ADAT2: variants seen among roughly 807,000 people sequenced by gnomAD.
ADAT2 encodes the protein tRNA-specific adenosine-34 deaminase catalytic subunit ADAT2.
In ADAT2, 26 loss-of-function variants were observed where a neutral mutation model predicts 25.9. The ratio of observed to expected loss-of-function variants is 1.00; its 90% CI spans 0.74 to 1.39. The LOEUF (loss-of-function observed/expected upper bound fraction) is 1.39, where lower values mean the gene tolerates loss of function less well. ADAT2 is among the 40% of genes most tolerant of loss of function. The pLI is 0.00. For missense variants in ADAT2, 220 were observed against 244.8 expected, an observed-to-expected ratio of 0.90 and a Z score of 0.68; for synonymous variants, 76 against 86.8, an observed-to-expected ratio of 0.88 and a Z score of 0.69.
Position 143,434,116 on chromosome 6 carries a change from C to A in ADAT2, c.202-135G>T. ...TTTAATGAATACAGTTTCAAGACAC[C>A]CTTAGCAGTGGACAACGTATTCCCC... On this transcript the variant is annotated intron_variant, in intron 2 of 5. Coordinates refer to ENST00000237283, the MANE Select transcript of ADAT2 (RefSeq NM_182503.3). This position sits in a 1 kb window ranked among gnomAD's most constrained non-coding sequence, Gnocchi z 4.5. The A allele has an allele frequency of 9.0e-7, 1 of 1,113,440 alleles. No individual in the cohort carries two copies. The highest frequency in any genetic ancestry group is 1.3e-6 in the Non-Finnish European group (1 of 780,484). 69.0% of individuals were successfully genotyped at this position (1,113,440 alleles called of 1,614,324 possible).
intron 4 of ADAT2, among the ~76,000 whole-genome samples, chr6:143,429,645 T>A (rs558077624): frequency 6.6e-6 from 1 of 152,058 alleles, no homozygotes; most frequent in South Asian, 2.1e-4. Flanking sequence ...GACAAAAAAT[T>A]GGGGTAAAAA....
At chr6:143,430,381 C>T (rs1031776576) in intron 4 of ADAT2, among the ~76,000 whole-genome samples, 1 of 152,204 alleles carries the variant, frequency 6.6e-6, no homozygotes, top group Non-Finnish European at 1.5e-5. Context: ...GGGGCAGGGA[C>T]TGAGCAGAGT....
rs891752954 is a variant in ADAT2 at position 143,431,680 on chromosome 6, G to A, written c.459+825C>T. ...TCTCAGTGAGACTCAGCCAAATTTAGTCCTTCATAGGTCCTTAAAGTATTC... is the reference window on the plus strand; with the variant it reads ...TCTCAGTGAGACTCAGCCAAATTTAATCCTTCATAGGTCCTTAAAGTATTC... On this transcript the variant is annotated intron_variant, in intron 4 of 5. Coordinates refer to ENST00000237283, the MANE Select transcript of ADAT2 (RefSeq NM_182503.3). 7.2e-5 allele frequency among the ~76,000 whole-genome samples: 11 copies of A among 152,318 alleles called. 2 individuals are homozygous for A. Among genetic ancestry groups the A allele is most frequent in the East Asian group, 1.9e-4 (1 of 5,182 alleles).
At chr6:143,438,338 G>A in intron 2 of ADAT2, among the ~76,000 whole-genome samples, 1 of 152,014 alleles carries the variant, frequency 6.6e-6, no homozygotes, top group East Asian at 1.9e-4. Context: ...CTATGAAACA[G>A]AAAATTATTC....
Position 143,432,287 on chromosome 6 carries a change from G to A in ADAT2, c.459+218C>T, listed in dbSNP as rs1356992708. ...GCGAAGGGTGGACTCTCCTTCAGGA[G>A]GGAGTCTGTTAATGAAGAGAGGTAG... On this transcript the variant is annotated intron_variant, in intron 4 of 5. Transcript: ENST00000237283. The surrounding 1 kb of genome is among the most constrained non-coding windows in gnomAD (Gnocchi z 4.4). 6.6e-6 allele frequency among the ~76,000 whole-genome samples: 1 copy of A among 152,136 alleles called. No individual in the cohort carries two copies. Among genetic ancestry groups the A allele is most frequent in the Non-Finnish European group, 1.5e-5 (1 of 68,016 alleles).
chr6:143,446,000 C>A (rs1290492061), intron 1 of ADAT2, among the ~76,000 whole-genome samples: 2 of 150,666 alleles, frequency 1.3e-5, no homozygotes, highest in Non-Finnish European at 2.9e-5. Flanking sequence ...GTTAGTCAAT[C>A]TTTCTTTTTT....
chr6:143,427,928 G>C lies in ADAT2; in HGVS notation c.*535C>G, dbSNP rs1293827206. ...TTTCTAAATGCTTTATAAAAGCAAA[G>C]TCTTTTCTAAGGACCATATAATTAT... On this transcript the variant is annotated 3_prime_UTR_variant, in exon 6 of 6. Coordinates refer to ENST00000237283, the MANE Select transcript of ADAT2 (RefSeq NM_182503.3). 1.3e-5 allele frequency: 2 copies of C among 152,306 alleles called. No individual in the cohort carries two copies. The highest frequency in any genetic ancestry group is 3.8e-4 in the East Asian group (2 of 5,196). 9.4% of individuals were successfully genotyped at this position (152,306 alleles called of 1,614,324 possible).
rs1778888099 is a variant in ADAT2, at chr6:143,425,041, T to C, written c.*3422A>G. On this transcript the variant is annotated 3_prime_UTR_variant, in exon 6 of 6. Transcript: ENST00000237283. ...CAGATGTGATATCCTGTGAGGAACT[T>C]AACATCAACCAGCACCTGAATCTAA... 1 of 152,136 alleles carries C rather than the reference T, an allele frequency of 6.6e-6. No homozygotes were observed. Among genetic ancestry groups the C allele is most frequent in the Admixed American group, 6.5e-5 (1 of 15,278 alleles). 9.4% of individuals were successfully genotyped at this position (152,136 alleles called of 1,614,324 possible). A position where few individuals can be genotyped will look rare whatever the true frequency, so the allele number is the denominator to read the frequency against.
chr6:143,440,671 C>A lies in ADAT2; in HGVS notation c.97-1977G>T, dbSNP rs1014397430. 6.6e-6 allele frequency among the ~76,000 whole-genome samples: 1 copy of A among 152,086 alleles called. No homozygotes were observed. The highest frequency in any genetic ancestry group is 2.4e-5 in the African/African-American group (1 of 41,412). On this transcript the variant is annotated intron_variant, in intron 1 of 5. Transcript: ENST00000237283. This position sits in a 1 kb window ranked among gnomAD's most constrained non-coding sequence, Gnocchi z 4.5. ...TGCAAGTTCAAAAGGCTTGAAGAGT[C>A]CCGAGGTTTGGTTAATATAGACAAA...
In ADAT2 at chr6:143,427,435, T is replaced by C. The variant is rs756404880; in HGVS notation, c.*1028A>G. On this transcript the variant is annotated 3_prime_UTR_variant, in exon 6 of 6. Coordinates refer to ENST00000237283, the MANE Select transcript of ADAT2 (RefSeq NM_182503.3). ...GGCACACAGTGCGCCCAGAGGGCTG[T>C]GCAAAGCTGCCCTGTAGTCATGGAG... 2 of 152,304 alleles carry C rather than the reference T, an allele frequency of 1.3e-5. No individual in the cohort carries two copies. Among genetic ancestry groups the C allele is most frequent in the Non-Finnish European group, 2.9e-5 (2 of 68,056 alleles). The allele number at this position is 152,304 out of a possible 1,614,324, so 9.4% of individuals were successfully genotyped here. A position where few individuals can be genotyped will look rare whatever the true frequency, so the allele number is the denominator to read the frequency against.
rs142646220 is a variant in ADAT2, at chr6:143,434,239, A to G, written c.202-258T>C. On this transcript the variant is annotated intron_variant, in intron 2 of 5. Transcript: ENST00000237283. This position sits in a 1 kb window ranked among gnomAD's most constrained non-coding sequence, Gnocchi z 4.5. ...AGTTAAGTACCTAAGTACCTTAGGG[A>G]AAACTCTTTCAATTAAAATGCCATG... Among the ~76,000 whole-genome samples the G allele has an allele frequency of 5.7e-3, 874 of 152,330 alleles. 10 individuals carry two copies. Among genetic ancestry groups the G allele is most frequent in the African/African-American group, 0.02 (817 of 41,568 alleles).
chr6:143,433,322 T>G (rs1779172141), intron 3 of ADAT2, among the ~76,000 whole-genome samples: 1 of 152,222 alleles, frequency 6.6e-6, no homozygotes, highest in African/African-American at 2.4e-5. Context: ...TCCAAAGAGC[T>G]GTAACTTTAC....
Position 143,426,494 on chromosome 6 carries a change from A to G in ADAT2, c.*1969T>C, listed in dbSNP as rs1778938729. 6.6e-6 allele frequency: 1 copy of G among 152,384 alleles called. No individual in the cohort carries two copies. Among genetic ancestry groups the G allele is most frequent in the African/African-American group, 2.4e-5 (1 of 41,586 alleles). The allele number at this position is 152,384 out of a possible 1,614,324, so 9.4% of individuals were successfully genotyped here. A position where few individuals can be genotyped will look rare whatever the true frequency, so the allele number is the denominator to read the frequency against. On this transcript the variant is annotated 3_prime_UTR_variant, in exon 6 of 6. Coordinates refer to ENST00000237283, the MANE Select transcript of ADAT2 (RefSeq NM_182503.3). This position sits in a 1 kb window ranked among gnomAD's most constrained non-coding sequence, Gnocchi z 4.1. ...TTAATTACTGAAGAGGGAACCAAAA[A>G]GATGGTAAACCACAATTAAATTGTT...
chr6:143,448,168 G>GC (rs1308597396), intron 1 of ADAT2, among the ~76,000 whole-genome samples: 2 of 151,870 alleles, frequency 1.3e-5, no homozygotes, highest in Non-Finnish European at 2.9e-5. Flanking sequence ...ACCAAACACC[G>GC]CATGTTCTCA....
chr6:143,441,147 G>A (rs914267866), intron 1 of ADAT2, among the ~76,000 whole-genome samples: 5 of 152,166 alleles, frequency 3.3e-5, no homozygotes, highest in African/African-American at 1.2e-4. Context: ...AGAACTATAA[G>A]AGAATAAACT....
chr6:143,443,492 C>T (rs1419935513), intron 1 of ADAT2, among the ~76,000 whole-genome samples: 2 of 152,098 alleles, frequency 1.3e-5, no homozygotes, highest in Non-Finnish European at 2.9e-5. Flanking sequence ...GATCATGCCA[C>T]TACACTCCAG....
chr6:143,433,845 G>A lies in ADAT2; in HGVS notation c.338C>T (p.Ala113Val). 2 of 1,613,872 alleles carry A rather than the reference G, an allele frequency of 1.2e-6. No homozygotes were observed. The highest frequency in any genetic ancestry group is 1.1e-5 in the South Asian group (1 of 91,038). ...TVEPCIMCAA[A>V]LRLMKIPLVV... ...TCAAAGGATACTCATCAGGCGGAGA[G>A]CAGCTGCACACATAATGCACGGCTC... Residue 113 changes from alanine (A) to valine (V), a missense_variant, in exon 3 of 6, where the codon GCT becomes GTT. By Grantham distance (64) the Ala-to-Val change is moderately conservative. Transcript: ENST00000237283.
chr6:143,448,997 T>C (rs931350389), intron 1 of ADAT2, among the ~76,000 whole-genome samples: 2 of 152,186 alleles, frequency 1.3e-5, no homozygotes, highest in Non-Finnish European at 2.9e-5. Flanking sequence ...ATTAAACCTG[T>C]CCTTTTATAT....
intron 1 of ADAT2, among the ~76,000 whole-genome samples, chr6:143,445,583 G>A (rs909160939): frequency 1.8e-4 from 27 of 152,204 alleles, no homozygotes; most frequent in African/African-American, 5.5e-4. Flanking sequence ...CTCAACGGAC[G>A]TGTTGAAGGA....
Sources: allele counts gnomAD v4.1 joint callset (sites outside exome capture counted in the v4.1 genomes callset), GRCh38; gene constraint gnomAD v4.1.1; non-coding constraint Gnocchi (gnomAD v3.1); transcripts MANE v1.5; gene names NCBI Gene and HGNC (gene_info 2026-07-23, HGNC 2026-07-21).